Variants in NLRP13 observed in about 807,000 individuals in gnomAD.
The protein encoded by NLRP13 is NACHT, LRR and PYD domains-containing protein 13.
Under a neutral mutation model 94.4 loss-of-function variants are expected in NLRP13, and 82 were observed. The ratio of observed to expected loss-of-function variants is 0.87; its 90% CI spans 0.73 to 1.04. NLRP13 has a LOEUF of 1.04. NLRP13 is among the 50% of genes least tolerant of loss of function. The pLI is 0.00. For synonymous variants in NLRP13, 553 were observed against 464.7 expected (o/e 1.19, Z -2.45); for missense variants, 1,426 against 1,230.8 (o/e 1.16, Z -2.37).
downstream of NLRP13, among the ~76,000 whole-genome samples, chr19:55,895,198 T>TAAAAAA (rs112514218): frequency 2.8e-5 from 4 of 140,404 alleles, no homozygotes; most frequent in Non-Finnish European, 6.1e-5. Flanking sequence ...AAAAGTATGT[T>TAAAAAA]AAAAAAAAAA....
intron 8 of NLRP13, among the ~76,000 whole-genome samples, chr19:55,902,443 G>C (rs1986213735): frequency 6.6e-6 from 1 of 152,046 alleles, no homozygotes; most frequent in Non-Finnish European, 1.5e-5. Flanking sequence ...ATTAGTGACT[G>C]GTTTAGGAAA....
intron 4 of NLRP13, among the ~76,000 whole-genome samples, chr19:55,918,209 TAATGAA>T (rs902788398): frequency 9.2e-4 from 130 of 140,684 alleles, no homozygotes; most frequent in African/African-American, 3.0e-3. Flanking sequence ...TTTTTGAAAC[TAATGAA>T]AATGGAGACA....
At chr19:55,904,103 A>G (rs1034952693) in intron 8 of NLRP13, among the ~76,000 whole-genome samples, 2 of 152,094 alleles carry the variant, frequency 1.3e-5, no homozygotes, top group Non-Finnish European at 2.9e-5. Context: ...TGCTTATTCC[A>G]ACCTTTTGAG....
chr19:55,922,866 G>A (rs951100960), intron 4 of NLRP13, among the ~76,000 whole-genome samples: 1 of 152,174 alleles, frequency 6.6e-6, no homozygotes, highest in Admixed American at 6.5e-5. Context: ...AGAAATAGCA[G>A]GAAATATTAA....
intron 1 of NLRP13, 46 bp downstream of exon 1, chr19:55,931,947 A>G: frequency 6.4e-7 from 1 of 1,572,536 alleles, no homozygotes; most frequent in Non-Finnish European, 8.7e-7. Flanking sequence ...TCCTTGCCTC[A>G]GGAGTACCAA....
At chr19:55,909,838 G>T (rs1986453862) in intron 6 of NLRP13, among the ~76,000 whole-genome samples, 1 of 152,160 alleles carries the variant, frequency 6.6e-6, no homozygotes, top group African/African-American at 2.4e-5. Context: ...GGCTTGGAAT[G>T]CTCTTTTTCC....
At chr19:55,930,505 G>C (rs1392342520) in intron 1 of NLRP13, among the ~76,000 whole-genome samples, 1 of 151,796 alleles carries the variant, frequency 6.6e-6, no homozygotes, top group African/African-American at 2.4e-5. Context: ...GGCCAACATG[G>C]CAAAACCCCG....
chr19:55,924,478 T>C, intron 3 of NLRP13, 112 bp downstream of exon 3: 1 of 756,048 alleles, frequency 1.3e-6, no homozygotes, highest in Non-Finnish European at 2.3e-6. Context: ...GAGTTTTTAA[T>C]TTTTTATGTA....
chr19:55,919,928 A>G (rs979270832), intron 4 of NLRP13, among the ~76,000 whole-genome samples: 1 of 152,172 alleles, frequency 6.6e-6, no homozygotes, highest in East Asian at 1.9e-4. Context: ...CTGACTTCAA[A>G]TTATACTACC....
rs1324675429 is a variant in NLRP13, at chr19:55,910,681, A to G, written c.2164T>C (p.Leu722=). The G allele has an allele frequency of 1.7e-5, 28 of 1,613,680 alleles. No homozygotes were observed. The highest frequency in any genetic ancestry group is 2.3e-5 in the Non-Finnish European group (27 of 1,179,726). The change falls in exon 6 of 11, where the codon TTG becomes CTG. Residue 722 remains leucine, a synonymous_variant. Transcript: ENST00000342929. ...TCATGCAGATTCTCATTTGTGACCA[A>G]CGTAGAGCAAATGCTGTTCCATGCG... ...MHAWNSICST[L]VTNENLHELD... is the part of the protein sequence containing the mutation.
At chr19:55,906,286 C>G (rs926585239) in intron 7 of NLRP13, among the ~76,000 whole-genome samples, 2 of 134,450 alleles carry the variant, frequency 1.5e-5, no homozygotes, top group East Asian at 2.4e-4. Flanking sequence ...TACAGTGAGC[C>G]GAGATCGTGC....
rs758120246 is a variant in NLRP13, at chr19:55,923,917, C to T, written c.520G>A (p.Ala174Thr). Residue 174 changes from alanine to threonine, a missense_variant, in exon 4 of 11, where the codon GCA (alanine) becomes ACA (threonine). Coordinates refer to ENST00000342929, the MANE Select transcript of NLRP13 (RefSeq NM_176810.2). ...NQEEPEMLEE[A>T]DHRRKYRENM... ...CAACATAAAGTAGTATACACACCTG[C>T]TTCCTCTAGCATCTCTGGTTCTTCT... The T allele has an allele frequency of 1.9e-6, 3 of 1,613,032 alleles. No individual in the cohort carries two copies. The highest frequency in any genetic ancestry group is 2.5e-6 in the Non-Finnish European group (3 of 1,179,146).
intron 5 of NLRP13, 72 bp downstream of exon 5, chr19:55,911,627 CTGGTTTT>C: frequency 7.5e-7 from 1 of 1,332,372 alleles, no homozygotes; most frequent in East Asian, 2.3e-5. Context: ...CAACACATCC[CTGGTTTT>C]GCATGAAAGA....
rs1986060394 is a variant in NLRP13, at chr19:55,898,036, TG to T, written c.2957+733del. 2.0e-5 allele frequency among the ~76,000 whole-genome samples: 3 copies of T among 152,250 alleles called. No homozygotes were observed. The South Asian group carries it at 6.2e-4, about 32-fold the overall frequency. On this transcript the variant is annotated intron_variant, in intron 10 of 10. Transcript: ENST00000342929. ...ACAACGGTGAAGTGAAGATTCACAGTGGGGAGCAGGCTGCGCTCCCCTCAAC... is the reference window on the plus strand; with the variant it reads ...ACAACGGTGAAGTGAAGATTCACAGTGGGAGCAGGCTGCGCTCCCCTCAAC...
rs977070 is a variant in NLRP13, at chr19:55,911,708, C to T, written c.2109G>A (p.Leu703=). 1 of 1,591,038 alleles carries T rather than the reference C, an allele frequency of 6.3e-7. No individual in the cohort carries two copies. Among genetic ancestry groups the T allele is most frequent in the South Asian group, 1.1e-5 (1 of 87,542 alleles). ...SHILERDLEI[L]ETSKFDSRMH... is the part of the protein sequence containing the mutation. ...AAGAAATGGTTTGTAATACTCACTC[C>T]AGAATTTCCAAGTCCCTTTCAAGGA... Residue 703 remains leucine, a splice_region_variant and synonymous_variant, in exon 5 of 11, where the codon CTG becomes CTA. Transcript: ENST00000342929.
chr19:55,929,653 T>C (rs1017178784), intron 1 of NLRP13, among the ~76,000 whole-genome samples: 1 of 152,072 alleles, frequency 6.6e-6, no homozygotes. Flanking sequence ...AGGGATAGTA[T>C]TAGAAGAAAT....
intron 9 of NLRP13, among the ~76,000 whole-genome samples, chr19:55,899,766 C>G (rs1210699399): frequency 1.3e-5 from 2 of 152,070 alleles, no homozygotes; most frequent in Non-Finnish European, 2.9e-5. Flanking sequence ...GGCGACAGAG[C>G]AAGAGTCTGT....
intron 4 of NLRP13, among the ~76,000 whole-genome samples, chr19:55,914,769 G>C (rs1986634997): frequency 6.6e-6 from 1 of 152,092 alleles, no homozygotes; most frequent in Admixed American, 6.6e-5. Flanking sequence ...CTCTTTAAAG[G>C]CTGAATAGTA....
At chr19:55,913,405 C>T in intron 4 of NLRP13, 112 bp from the exon 5 acceptor site, 1 of 1,254,352 alleles carries the variant, frequency 8.0e-7, no homozygotes, top group Non-Finnish European at 1.1e-6. Context: ...CTCTGCCTTC[C>T]AGGATTTTGT....
Sources: gnomAD v4.1 joint callset for allele counts (sites outside exome capture counted in the v4.1 genomes callset) on GRCh38, gnomAD v4.1.1 for gene constraint, MANE v1.5 for transcripts, NCBI Gene and HGNC (gene_info 2026-07-23, HGNC 2026-07-21) for gene names.